Variants in STIL observed in about 807,000 individuals in gnomAD.
STIL encodes STIL centriolar assembly protein.
Under a neutral mutation model 110.1 loss-of-function variants are expected in STIL, and 55 were observed. That is an observed-to-expected ratio of 0.50 (90% confidence interval 0.40 to 0.63). The LOEUF (loss-of-function observed/expected upper bound fraction) is 0.63, where lower values mean the gene tolerates loss of function less well. STIL is among the 20% of genes least tolerant of loss of function. STIL has a pLI of 0.00. For synonymous variants in STIL, 481 were observed against 530.0 expected (o/e 0.91, Z 1.27); for missense variants, 1,358 against 1,530.0 (o/e 0.89, Z 1.87).
chr1:47,289,061 C>CAAAAAAAAAAAA (rs371944423), intron 9 of STIL, among the ~76,000 whole-genome samples: 4 of 83,484 alleles, frequency 4.8e-5, no homozygotes, highest in Non-Finnish European at 6.7e-5. Context: ...GATTCCATCT[C>CAAAAAAAAAAAA]AAAAAAAAAA....
intron 16 of STIL, among the ~76,000 whole-genome samples, chr1:47,259,597 G>T (rs1418338996): frequency 2.6e-5 from 4 of 152,026 alleles, no homozygotes; most frequent in Non-Finnish European, 4.4e-5. Context: ...CCTAAGAGAA[G>T]TAACTTTGGA....
At chr1:47,286,794 G>A (rs150468176) in intron 10 of STIL, among the ~76,000 whole-genome samples, 90 of 152,192 alleles carry the variant, frequency 5.9e-4, no homozygotes, top group Middle Eastern at 3.4e-3. Flanking sequence ...AAAAACACTG[G>A]GTGATCAATT....
At chr1:47,283,600 G>A (rs1239817029) in intron 10 of STIL, 1 of 152,168 alleles carries the variant, frequency 6.6e-6, no homozygotes, top group East Asian at 1.9e-4. Context: ...AGATGGATGA[G>A]AATCACGTCA....
intron 10 of STIL, among the ~76,000 whole-genome samples, chr1:47,286,479 T>C (rs900481474): frequency 3.3e-5 from 5 of 151,418 alleles, no homozygotes; most frequent in Non-Finnish European, 7.4e-5. Flanking sequence ...GAGGCTGAGG[T>C]GGGTGGATCA....
At chr1:47,313,803 A>C (rs899450796) in intron 1 of STIL, among the ~76,000 whole-genome samples, 1 of 152,220 alleles carries the variant, frequency 6.6e-6, no homozygotes, top group African/African-American at 2.4e-5. Flanking sequence ...CCGTAAAAAC[A>C]ACTTTAAATG....
chr1:47,265,740 T>G (rs531845367), intron 14 of STIL, among the ~76,000 whole-genome samples: 13 of 139,514 alleles, frequency 9.3e-5, no homozygotes, highest in Middle Eastern at 3.9e-3. Flanking sequence ...GAGCTGAGAT[T>G]GCGCCACTGC....
upstream of STIL, among the ~76,000 whole-genome samples, chr1:47,314,729 A>AT (rs34330805): frequency 7.6e-4 from 111 of 145,902 alleles, no homozygotes; most frequent in Middle Eastern, 6.9e-3. Context: ...TAGTGACATA[A>AT]TTTTTTTTTT....
intron 14 of STIL, among the ~76,000 whole-genome samples, chr1:47,266,767 C>T (rs1644666751): frequency 6.6e-6 from 1 of 152,290 alleles, no homozygotes; most frequent in East Asian, 1.9e-4. Flanking sequence ...TCTTAACTTC[C>T]ACTCTTAACA....
At chr1:47,310,590 A>G (rs754767393) in intron 1 of STIL, among the ~76,000 whole-genome samples, 1 of 152,200 alleles carries the variant, frequency 6.6e-6, no homozygotes, top group Non-Finnish European at 1.5e-5. Flanking sequence ...ATCTACCAAT[A>G]TATCTATCCC....
chr1:47,253,612 T>A (rs998168232), intron 16 of STIL, among the ~76,000 whole-genome samples: 1 of 152,216 alleles, frequency 6.6e-6, no homozygotes, highest in Non-Finnish European at 1.5e-5. Context: ...TGCCTTACTC[T>A]CTGGGGCTCT....
chr1:47,301,173 G>C (rs953575056), intron 5 of STIL, among the ~76,000 whole-genome samples: 4 of 151,982 alleles, frequency 2.6e-5, no homozygotes, highest in African/African-American at 7.3e-5. Flanking sequence ...AACCTCCCGG[G>C]CTCAAGCAAT....
At position 47,280,369 on chromosome 1, in the gene STIL, G is replaced by C. The variant is rs1645121047; in HGVS notation, c.2089C>G (p.Pro697Ala). The change falls in exon 12 of 17, where the codon CCA (proline) becomes GCA (alanine). Residue 697 changes from proline (P) to alanine (A), a missense_variant. Physicochemically the swap from Pro to Ala is conservative, Grantham distance 27 (BLOSUM62 -1). Coordinates refer to ENST00000371877, the MANE Select transcript of STIL (RefSeq NM_001048166.1). ...TGCATGCACACTGTGCAAGGCTGTG[G>C]GTTACATAAGTCCATATGTGAAGGC... The part of the protein sequence containing the change: ...RPPSHMDLCN[P>A]QPCTVCMHTP... The C allele has an allele frequency of 1.2e-6, 2 of 1,614,066 alleles. No individual in the cohort carries two copies. The highest frequency in any genetic ancestry group is 1.7e-6 in the Non-Finnish European group (2 of 1,180,048).
Position 47,280,590 on chromosome 1 carries a change from GCTCCTTGCCAAGAAT to G in STIL, c.1853_1867del (p.Asn618_Ala623delinsThr). On this transcript the variant is annotated inframe_deletion, in exon 12 of 17. Transcript: ENST00000371877. ...ATCTTGAATGGATCCAACTGTGTTT[GCTCCTTGCCAAGAAT>G]TTAGCGGACTATATTGAATATGACT... 1 of 1,614,212 alleles carries G rather than the reference GCTCCTTGCCAAGAAT, an allele frequency of 6.2e-7. No homozygotes were observed. The highest frequency in any genetic ancestry group is 8.5e-7 in the Non-Finnish European group (1 of 1,180,046).
At chr1:47,256,584 A>G (rs2742099) in intron 16 of STIL, among the ~76,000 whole-genome samples, 121,569 of 147,360 alleles carry the variant, frequency 0.82, 50,782 homozygotes, top group Middle Eastern at 0.9. Context: ...TCATGCCACT[A>G]CACTCCAGCC....
chr1:47,312,879 C>T (rs1231414701), intron 1 of STIL: 2 of 152,198 alleles, frequency 1.3e-5, no homozygotes, highest in Non-Finnish European at 2.9e-5. Context: ...TCAAATCATC[C>T]TCACCCCTTC....
chr1:47,285,116 T>G (rs577451468), intron 10 of STIL, among the ~76,000 whole-genome samples: 4 of 150,796 alleles, frequency 2.7e-5, no homozygotes, highest in African/African-American at 4.9e-5. Flanking sequence ...CTTGACCTCC[T>G]GGGCAAGTGA....
chr1:47,270,008 G>A (rs771351618), intron 13 of STIL, 142 bp from the exon 14 acceptor site: 24 of 770,636 alleles, frequency 3.1e-5, no homozygotes, highest in East Asian at 8.0e-5. Flanking sequence ...AGGCAGAGGC[G>A]GGAGGATCAC....
intron 14 of STIL, among the ~76,000 whole-genome samples, chr1:47,266,477 G>C (rs1489390437): frequency 6.6e-6 from 1 of 152,102 alleles, no homozygotes; most frequent in Non-Finnish European, 1.5e-5. Context: ...TCCTGTTTCA[G>C]CCTCCTGAGT....
intron 4 of STIL, 106 bp downstream of exon 4, chr1:47,302,128 G>A (rs1645822249): frequency 1.2e-6 from 1 of 804,228 alleles, no homozygotes; most frequent in Non-Finnish European, 2.2e-6. Context: ...ACTATGTTAT[G>A]CAAGCTGGTC....
Sources: gnomAD v4.1 joint callset for allele counts (sites outside exome capture counted in the v4.1 genomes callset) on GRCh38, gnomAD v4.1.1 for gene constraint, MANE v1.5 for transcripts, NCBI Gene and HGNC (gene_info 2026-07-23, HGNC 2026-07-21) for gene names.